COL21A1: variants seen among roughly 807,000 people sequenced by gnomAD.
The protein encoded by COL21A1 is collagen type XXI alpha 1 chain.
COL21A1 carries 149 observed loss-of-function variants against 137.9 expected under a neutral mutation model. That is an observed-to-expected ratio of 1.08 (90% confidence interval 0.95 to 1.24). The LOEUF (loss-of-function observed/expected upper bound fraction) is 1.24, where lower values mean the gene tolerates loss of function less well. Among genes scored for constraint, COL21A1 ranks in the 50% most tolerant of loss-of-function variants. The pLI is 0.00. For missense variants in COL21A1, 1,167 were observed against 1,158.4 expected (o/e 1.01, Z -0.11); for synonymous variants, 456 against 391.5 (o/e 1.16, Z -1.95).
intron 1 of COL21A1, among the ~76,000 whole-genome samples, chr6:56,303,805 G>T (rs761713600): frequency 6.6e-6 from 1 of 152,158 alleles, no homozygotes; most frequent in East Asian, 1.9e-4. Context: ...TCCCTGTCTT[G>T]TACCAGTTTT....
At chr6:56,077,851 T>A in intron 17 of COL21A1, 1 of 393,254 alleles carries the variant, frequency 2.5e-6, no homozygotes, top group Non-Finnish European at 4.7e-6. Context: ...AACACATGAG[T>A]GATAAAATTA....
At position 56,060,814 on chromosome 6, in the gene COL21A1, G is replaced by A; in HGVS notation, c.2353-19C>T. On this transcript the variant is annotated intron_variant, in intron 26 of 29. Transcript: ENST00000244728. Reference sequence around the variant, plus strand: ...CTCTTCCCTGCATCAAAGTGTTAGGGGTTATAACATGCACATAAAGAACAT... The same window carrying A: ...CTCTTCCCTGCATCAAAGTGTTAGGAGTTATAACATGCACATAAAGAACAT... 1.9e-6 allele frequency: 3 copies of A among 1,596,874 alleles called. No homozygotes were observed. Among genetic ancestry groups the A allele is most frequent in the Non-Finnish European group, 2.6e-6 (3 of 1,175,242 alleles).
rs146516581 is a variant in COL21A1 at position 56,165,728 on chromosome 6, C to T, written c.1279-906G>A. Among the ~76,000 whole-genome samples the T allele has an allele frequency of 4.7e-3, 709 of 152,138 alleles. 10 individuals carry two copies. The highest frequency in any genetic ancestry group is 0.016 in the African/African-American group (670 of 41,500). On this transcript the variant is annotated intron_variant, in intron 7 of 29. Transcript: ENST00000244728. ...AGGTTTTAGAACATGTGGATCCATA[C>T]GTTATTCCATTTGATGGGAAAAAAG...
At chr6:56,296,664 T>C (rs1764169285) in intron 1 of COL21A1, among the ~76,000 whole-genome samples, 1 of 152,008 alleles carries the variant, frequency 6.6e-6, no homozygotes, top group South Asian at 2.1e-4. Flanking sequence ...TCTTGAATTA[T>C]AGTGAACCAA....
rs140512421 is a variant in COL21A1, at chr6:56,299,670, C to T, written c.-39+94301G>A. On this transcript the variant is annotated intron_variant, in intron 1 of 28. Transcript: ENST00000370819. ...TATGGCCTCATATTTTCTGATCAGA[C>T]TTCCATCTTCATCAATATCTTATTT... is the stretch of plus-strand genomic sequence containing the variant. Among the ~76,000 whole-genome samples the T allele has an allele frequency of 7.0e-3, 1,062 of 152,084 alleles. 7 individuals are homozygous for T. Among genetic ancestry groups the T allele is most frequent in the South Asian group, 0.039 (187 of 4,814 alleles).
chr6:56,148,338 CAGAGAGAGAGAGAG>C (rs150898619), intron 10 of COL21A1, among the ~76,000 whole-genome samples: 1 of 133,174 alleles, frequency 7.5e-6, no homozygotes, highest in African/African-American at 2.9e-5. Context: ...AGACAAGAGA[CAGAGAGAGAGAGAG>C]AGAGAGAGAG....
At chr6:56,241,156 T>C (rs539851794) in intron 1 of COL21A1, among the ~76,000 whole-genome samples, 1 of 152,178 alleles carries the variant, frequency 6.6e-6, no homozygotes, top group East Asian at 1.9e-4. Flanking sequence ...CCCAACATGG[T>C]GATATTTGAA....
chr6:56,153,981 C>T (rs1323134926), intron 10 of COL21A1, among the ~76,000 whole-genome samples: 1 of 152,120 alleles, frequency 6.6e-6, no homozygotes, highest in East Asian at 1.9e-4. Context: ...CCAACCTGTC[C>T]AAAAATATAG....
chr6:56,390,103 AAAG>A (rs997061058), intron 1 of COL21A1, among the ~76,000 whole-genome samples: 2 of 152,194 alleles, frequency 1.3e-5, no homozygotes, highest in African/African-American at 4.8e-5. Flanking sequence ...CAAAACAATC[AAAG>A]AATAACCACA....
intron 1 of COL21A1, among the ~76,000 whole-genome samples, chr6:56,224,131 A>G (rs1781042993): frequency 6.6e-6 from 1 of 152,092 alleles, no homozygotes; most frequent in African/African-American, 2.4e-5. Context: ...ACACACACCC[A>G]CTATGCACAT....
chr6:56,101,500 G>T lies in COL21A1; in HGVS notation c.1784C>A (p.Pro595Gln). 1 of 1,594,036 alleles carries T rather than the reference G, an allele frequency of 6.3e-7. No homozygotes were observed. The change falls in exon 17 of 30, where the codon CCG becomes CAG. Residue 595 changes from proline to glutamine, a missense_variant. Physicochemically the swap from Pro to Gln is moderately conservative, Grantham distance 76. Coordinates refer to ENST00000244728, the MANE Select transcript of COL21A1 (RefSeq NM_030820.4). ...FKGEAGSPGA[P>Q]GQDGTRGEPG... ...CTCTCCCCGTGTTCCATCCTGCCCC[G>T]GAGCACCAGGGGATCCTGCTTCTCC...
At chr6:56,172,043 C>G (rs1052941778) in intron 3 of COL21A1, among the ~76,000 whole-genome samples, 1 of 147,252 alleles carries the variant, frequency 6.8e-6, no homozygotes, top group African/African-American at 2.5e-5. Context: ...ATCAAGCATA[C>G]CAATATATGC....
At chr6:56,180,355 TA>T (rs1422185446) in intron 2 of COL21A1, among the ~76,000 whole-genome samples, 1 of 152,224 alleles carries the variant, frequency 6.6e-6, no homozygotes, top group East Asian at 1.9e-4. Flanking sequence ...AGGACTTAGC[TA>T]ACCAATAAAA....
chr6:56,214,023 A>C (rs919276499), intron 1 of COL21A1, among the ~76,000 whole-genome samples: 3 of 152,152 alleles, frequency 2.0e-5, no homozygotes, highest in African/African-American at 7.2e-5. Flanking sequence ...TGCTATAGCC[A>C]TTGTCTATCT....
At chr6:56,147,600 C>T (rs551181417) in intron 10 of COL21A1, among the ~76,000 whole-genome samples, 19 of 151,982 alleles carry the variant, frequency 1.3e-4, no homozygotes, top group Non-Finnish European at 2.4e-4. Context: ...ATGTTAGATG[C>T]GTCAGTGACC....
chr6:56,286,246 T>C (rs1763909733), intron 1 of COL21A1, among the ~76,000 whole-genome samples: 1 of 152,214 alleles, frequency 6.6e-6, no homozygotes, highest in Non-Finnish European at 1.5e-5. Flanking sequence ...CTAAGCTGCA[T>C]GCACTGAGCA....
chr6:56,120,809 A>G (rs982246076), intron 16 of COL21A1, among the ~76,000 whole-genome samples: 10 of 152,006 alleles, frequency 6.6e-5, no homozygotes, highest in African/African-American at 2.4e-4. Context: ...TAAAAAAAAA[A>G]AAAAAAAACT....
intron 1 of COL21A1, among the ~76,000 whole-genome samples, chr6:56,289,032 G>A (rs1053776049): frequency 1.3e-5 from 2 of 151,992 alleles, no homozygotes; most frequent in Non-Finnish European, 2.9e-5. Context: ...TCCAAGTCTT[G>A]GTCATATTAA....
At chr6:56,357,669 A>G (rs975727494) in intron 1 of COL21A1, among the ~76,000 whole-genome samples, 2 of 152,210 alleles carry the variant, frequency 1.3e-5, no homozygotes, top group African/African-American at 4.8e-5. Context: ...GCCACGGAGA[A>G]ATTTTAATTA....
Sources: allele counts gnomAD v4.1 joint callset (sites outside exome capture counted in the v4.1 genomes callset), GRCh38; gene constraint gnomAD v4.1.1; transcripts MANE v1.5; gene names NCBI Gene and HGNC (gene_info 2026-07-23, HGNC 2026-07-21).